Variants in TMCO4 observed in about 807,000 individuals in gnomAD.
The protein encoded by TMCO4 is transmembrane and coiled-coil domains 4.
Under a neutral mutation model 64.7 loss-of-function variants are expected in TMCO4, and 58 were observed. The observed-to-expected ratio is 0.90, with a 90% confidence interval of 0.73 to 1.12. The LOEUF (loss-of-function observed/expected upper bound fraction) is 1.12, where lower values mean the gene tolerates loss of function less well. Ranked by LOEUF, TMCO4 falls within the 50% of genes most tolerant of loss-of-function variation. TMCO4 has a pLI of 0.00. For synonymous variants in TMCO4, 325 were observed against 346.1 expected (o/e 0.94, Z 0.68); for missense variants, 780 against 825.9 (o/e 0.94, Z 0.68).
At chr1:19,726,660 C>T (rs550509704) in intron 13 of TMCO4, among the ~76,000 whole-genome samples, 1 of 152,298 alleles carries the variant, frequency 6.6e-6, no homozygotes, top group South Asian at 2.1e-4. Flanking sequence ...GCCTGGCACA[C>T]ACTAAGTGCT....
chr1:19,755,851 A>T (rs558090385), intron 6 of TMCO4, 85 bp from the exon 7 acceptor site: 1 of 1,530,408 alleles, frequency 6.5e-7, no homozygotes. Context: ...TAAAACCCAC[A>T]CTAGAAACAG....
chr1:19,796,116 A>G (rs1290361296), intron 2 of TMCO4, among the ~76,000 whole-genome samples: 1 of 152,210 alleles, frequency 6.6e-6, no homozygotes, highest in African/African-American at 2.4e-5. Context: ...GCCTACTTCC[A>G]TGATCCCACT....
At chr1:19,722,222 C>T (rs547516838) in intron 13 of TMCO4, among the ~76,000 whole-genome samples, 2 of 152,300 alleles carry the variant, frequency 1.3e-5, no homozygotes, top group East Asian at 3.9e-4. Flanking sequence ...TAGGAGTCCA[C>T]AATCACATGC....
intron 2 of TMCO4, among the ~76,000 whole-genome samples, chr1:19,788,993 T>C (rs1259664045): frequency 6.8e-6 from 1 of 146,700 alleles, no homozygotes; most frequent in Non-Finnish European, 1.5e-5. Context: ...GAGAATGGCG[T>C]GAACCCGGGA....
At chr1:19,687,243 G>A (rs2095156827) in intron 15 of TMCO4, among the ~76,000 whole-genome samples, 1 of 152,162 alleles carries the variant, frequency 6.6e-6, no homozygotes, top group South Asian at 2.1e-4. Context: ...GTGAGCCACT[G>A]CACCTGGCCT....
In TMCO4 at chr1:19,737,414, T is replaced by C; in HGVS notation, c.1222A>G (p.Arg408Gly). 1.2e-6 allele frequency: 2 copies of C among 1,613,992 alleles called. No individual in the cohort carries two copies. Among genetic ancestry groups the C allele is most frequent in the Non-Finnish European group, 1.7e-6 (2 of 1,179,958 alleles). ...TCCTGCAGACAGAAGTAGATGACTC[T>C]GGCTCCCAGGCTGAAGCCAATCAAG... is the stretch of plus-strand genomic sequence containing the variant. Reference protein sequence around the residue: ...VTLIGFSLGARVIYFCLQEMA... With the variant: ...VTLIGFSLGAGVIYFCLQEMA... The change falls in exon 13 of 16, where the codon AGA becomes GGA. Residue 408 changes from arginine (R) to glycine (G), a missense_variant. By Grantham distance (125) the Arg-to-Gly change is moderately radical. Transcript: ENST00000294543.
In TMCO4 at chr1:19,682,712, A is replaced by G. The variant is rs2095111794; in HGVS notation, c.*328T>C. On this transcript the variant is annotated 3_prime_UTR_variant, in exon 16 of 16. Transcript: ENST00000294543. Reference sequence around the variant, plus strand: ...CCTCCTGATGGACAGCCAGACTCCAAAGCTATGAGAAGTACAGAAAGCCCA... The same window carrying G: ...CCTCCTGATGGACAGCCAGACTCCAGAGCTATGAGAAGTACAGAAAGCCCA... The G allele has an allele frequency of 1.4e-6, 1 of 717,676 alleles. No homozygotes were observed. Among genetic ancestry groups the G allele is most frequent in the Non-Finnish European group, 2.6e-6 (1 of 385,270 alleles). 44.5% of individuals were successfully genotyped at this position (717,676 alleles called of 1,614,324 possible). A position where few individuals can be genotyped will look rare whatever the true frequency, so the allele number is the denominator to read the frequency against.
intron 7 of TMCO4, among the ~76,000 whole-genome samples, chr1:19,755,021 C>G (rs1173908792): frequency 6.6e-6 from 1 of 152,158 alleles, no homozygotes; most frequent in Non-Finnish European, 1.5e-5. Flanking sequence ...CAATTGTGCC[C>G]GTGAACCAGG....
chr1:19,764,640 G>A (rs2042648886), intron 6 of TMCO4, among the ~76,000 whole-genome samples: 1 of 152,114 alleles, frequency 6.6e-6, no homozygotes, highest in Admixed American at 6.5e-5. Flanking sequence ...AGGCAGGCAG[G>A]TCAGGAGTTC....
At chr1:19,790,159 A>T (rs1292847145) in intron 2 of TMCO4, among the ~76,000 whole-genome samples, 1 of 152,152 alleles carries the variant, frequency 6.6e-6, no homozygotes, top group East Asian at 1.9e-4. Context: ...TTTACACCGT[A>T]TACAAAAATT....
intron 15 of TMCO4, among the ~76,000 whole-genome samples, chr1:19,687,320 C>T (rs1315743842): frequency 6.6e-6 from 1 of 152,160 alleles, no homozygotes; most frequent in Non-Finnish European, 1.5e-5. Context: ...CTCCTGGGCT[C>T]AAGAGATCCT....
At chr1:19,784,366 T>A (rs549758980) in intron 3 of TMCO4, among the ~76,000 whole-genome samples, 3 of 152,190 alleles carry the variant, frequency 2.0e-5, no homozygotes, top group African/African-American at 7.2e-5. Flanking sequence ...AAACCCCGTC[T>A]CTACTAAAAA....
intron 14 of TMCO4, among the ~76,000 whole-genome samples, chr1:19,700,516 C>T (rs2095264832): frequency 6.6e-6 from 1 of 150,748 alleles, no homozygotes; most frequent in African/African-American, 2.4e-5. Flanking sequence ...TGTCATCCTG[C>T]TGCTCTCAGG....
intron 3 of TMCO4, among the ~76,000 whole-genome samples, chr1:19,786,017 C>T (rs1029392739): frequency 4.6e-5 from 7 of 152,112 alleles, no homozygotes; most frequent in East Asian, 3.9e-4. Flanking sequence ...CGAGAGCTTT[C>T]GGAGGCTGAG....
At position 19,682,474 on chromosome 1, in the gene TMCO4, A is replaced by C; in HGVS notation, c.*566T>G. 2 of 630,738 alleles carry C rather than the reference A, an allele frequency of 3.2e-6. No homozygotes were observed. Among genetic ancestry groups the C allele is most frequent in the Non-Finnish European group, 5.8e-6 (2 of 343,972 alleles). 39.1% of individuals were successfully genotyped at this position (630,738 alleles called of 1,614,324 possible). A position where few individuals can be genotyped will look rare whatever the true frequency, so the allele number is the denominator to read the frequency against. ...TGGAGTTATGCAGCGCACAGCCTAC[A>C]TGGCTGTACAGGGCAGATCTGATTG... On this transcript the variant is annotated 3_prime_UTR_variant, in exon 16 of 16. Transcript: ENST00000294543.
intron 10 of TMCO4, 32 bp downstream of exon 10, chr1:19,745,500 C>T (rs376120908): frequency 6.2e-7 from 1 of 1,613,646 alleles, no homozygotes; most frequent in Non-Finnish European, 8.5e-7. Flanking sequence ...CACTGCCCAC[C>T]CCCCTCCACT....
intron 2 of TMCO4, among the ~76,000 whole-genome samples, chr1:19,789,073 T>TCA (rs1438083135): frequency 1.4e-5 from 2 of 141,430 alleles, no homozygotes; most frequent in African/African-American, 5.4e-5. Context: ...AGACTCTGTC[T>TCA]CACAAAAAAA....
intron 4 of TMCO4, 70 bp from the exon 5 acceptor site, chr1:19,771,552 G>C: frequency 6.6e-7 from 1 of 1,506,258 alleles, no homozygotes; most frequent in Non-Finnish European, 8.9e-7. Context: ...GTGTAGATTA[G>C]TTGTGGTCAC....
chr1:19,728,150 A>G (rs1282547519), intron 13 of TMCO4, among the ~76,000 whole-genome samples: 2 of 152,202 alleles, frequency 1.3e-5, no homozygotes, highest in Non-Finnish European at 2.9e-5. Context: ...AACAAACTCC[A>G]GTAACATGAG....
Sources: allele counts gnomAD v4.1 joint callset (sites outside exome capture counted in the v4.1 genomes callset), GRCh38; gene constraint gnomAD v4.1.1; transcripts MANE v1.5; gene names NCBI Gene and HGNC (gene_info 2026-07-23, HGNC 2026-07-21).